The following LSAMP variants were observed in gnomAD, a reference collection of about 807,000 sequenced individuals.
LSAMP encodes the protein limbic system-associated membrane protein.
In LSAMP, 7 loss-of-function variants were observed where a neutral mutation model predicts 38.6. The ratio of observed to expected loss-of-function variants is 0.18; its 90% CI spans 0.10 to 0.34. The LOEUF (loss-of-function observed/expected upper bound fraction) is 0.34. Among genes scored for constraint, LSAMP ranks in the 10% least tolerant of loss-of-function variants. LSAMP has a pLI of 1.00. For synonymous variants in LSAMP, 154 were observed against 166.8 expected, an observed-to-expected ratio of 0.92 and a Z score of 0.59; for missense variants, 313 against 420.0, an observed-to-expected ratio of 0.75 and a Z score of 2.23.
At chr3:116,444,745 C>T (rs988013676) in intron 1 of LSAMP, 132 bp downstream of exon 1, 1 of 1,180,686 alleles carries the variant, frequency 8.5e-7, no homozygotes, top group Non-Finnish European at 1.2e-6. Context: ...CACACACACA[C>T]CACAAGCCTG....
At chr3:116,097,347 T>C (rs1345519645) in intron 1 of LSAMP, among the ~76,000 whole-genome samples, 1 of 152,220 alleles carries the variant, frequency 6.6e-6, no homozygotes, top group Non-Finnish European at 1.5e-5. Flanking sequence ...GTATAAGGCA[T>C]GGCTGTAAAG....
chr3:116,390,525 G>A (rs533147497), intron 1 of LSAMP, among the ~76,000 whole-genome samples: 3 of 152,180 alleles, frequency 2.0e-5, no homozygotes, highest in Middle Eastern at 3.4e-3. Context: ...AATGGAAGCA[G>A]TTCTGCAGAG....
intron 1 of LSAMP, among the ~76,000 whole-genome samples, chr3:116,188,884 C>T (rs953095667): frequency 2.0e-5 from 3 of 152,106 alleles, no homozygotes; most frequent in African/African-American, 7.2e-5. Flanking sequence ...TGAGATTGAC[C>T]ATTGATTAAA....
chr3:116,095,138 A>G (rs999096293), intron 1 of LSAMP, among the ~76,000 whole-genome samples: 2 of 152,188 alleles, frequency 1.3e-5, no homozygotes, highest in Non-Finnish European at 2.9e-5. Flanking sequence ...TCTCAGATCA[A>G]TCATGTATTT....
intron 1 of LSAMP, chr3:116,367,815 T>C (rs539226194): frequency 1.3e-5 from 2 of 152,200 alleles, no homozygotes; most frequent in South Asian, 4.2e-4. Flanking sequence ...GGCCGGTTTT[T>C]CTTCCTTTTT....
At chr3:116,321,581 G>T (rs1407766913) in intron 1 of LSAMP, among the ~76,000 whole-genome samples, 2 of 152,060 alleles carry the variant, frequency 1.3e-5, no homozygotes, top group Admixed American at 6.6e-5. Context: ...AAACTGAATT[G>T]AGATGGATTA....
At chr3:116,210,757 A>T (rs534556493) in intron 1 of LSAMP, among the ~76,000 whole-genome samples, 4 of 152,320 alleles carry the variant, frequency 2.6e-5, no homozygotes, top group Admixed American at 6.5e-5. Context: ...TAAATACACA[A>T]ATATAGGCCA....
intron 1 of LSAMP, among the ~76,000 whole-genome samples, chr3:116,118,914 T>G (rs1708812709): frequency 1.3e-5 from 2 of 152,242 alleles, no homozygotes; most frequent in African/African-American, 4.8e-5. Context: ...TCAGTGCTTT[T>G]CAAATTTTGT....
intron 1 of LSAMP, among the ~76,000 whole-genome samples, chr3:116,435,393 C>T (rs2049336002): frequency 6.6e-6 from 1 of 152,170 alleles, no homozygotes; most frequent in African/African-American, 2.4e-5. Context: ...CTGATAACCT[C>T]CGTGTCACCC....
intron 3 of LSAMP, among the ~76,000 whole-genome samples, chr3:115,987,960 T>G (rs1447870745): frequency 6.6e-6 from 1 of 152,132 alleles, no homozygotes; most frequent in Non-Finnish European, 1.5e-5. Flanking sequence ...AAGGACAATT[T>G]TATAAACTAT....
chr3:116,216,634 A>G (rs2046223860), intron 1 of LSAMP, among the ~76,000 whole-genome samples: 1 of 152,208 alleles, frequency 6.6e-6, no homozygotes, highest in South Asian at 2.1e-4. Context: ...AAAACTGTTT[A>G]GGAAAAAAAA....
At chr3:116,149,873 T>C (rs1341974870) in intron 1 of LSAMP, among the ~76,000 whole-genome samples, 1 of 152,044 alleles carries the variant, frequency 6.6e-6, no homozygotes, top group Non-Finnish European at 1.5e-5. Context: ...GAGAGATATA[T>C]GAACACCCCT....
At chr3:116,141,167 C>A (rs1427845052) in intron 1 of LSAMP, among the ~76,000 whole-genome samples, 1 of 151,878 alleles carries the variant, frequency 6.6e-6, no homozygotes, top group Non-Finnish European at 1.5e-5. Flanking sequence ...TTACTTGAAA[C>A]TATATATATT....
chr3:116,231,869 G>A (rs189690678), intron 1 of LSAMP, among the ~76,000 whole-genome samples: 1 of 152,230 alleles, frequency 6.6e-6, no homozygotes, highest in African/African-American at 2.4e-5. Flanking sequence ...ACTGTCAGCA[G>A]GTAAATAATT....
At chr3:116,040,224 A>G (rs1421132933) in intron 2 of LSAMP, among the ~76,000 whole-genome samples, 2 of 152,164 alleles carry the variant, frequency 1.3e-5, no homozygotes, top group Non-Finnish European at 2.9e-5. Flanking sequence ...ATTTCTATAG[A>G]TGGAAGAAAA....
At chr3:115,839,045 C>T (rs891860412) in intron 6 of LSAMP, among the ~76,000 whole-genome samples, 5 of 152,266 alleles carry the variant, frequency 3.3e-5, no homozygotes, top group Admixed American at 2.0e-4. Flanking sequence ...CCGTCAGGGC[C>T]GTGGCCACAG....
chr3:115,827,193 G>A (rs542317175), intron 6 of LSAMP, among the ~76,000 whole-genome samples: 31 of 152,080 alleles, frequency 2.0e-4, no homozygotes, highest in African/African-American at 7.5e-4. Context: ...AAACCCACAC[G>A]TATAGTTGAA....
chr3:116,340,066 CA>C (rs1411487820), intron 1 of LSAMP, among the ~76,000 whole-genome samples: 1 of 152,052 alleles, frequency 6.6e-6, no homozygotes, highest in East Asian at 1.9e-4. Context: ...GCATTGGGAA[CA>C]GAGCAAGGAT....
At chr3:116,017,895 T>C (rs1037913005) in intron 3 of LSAMP, among the ~76,000 whole-genome samples, 1 of 152,202 alleles carries the variant, frequency 6.6e-6, no homozygotes, top group African/African-American at 2.4e-5. Flanking sequence ...ATAGCTTCTA[T>C]ACCAAATTGC....
Sources: allele counts gnomAD v4.1 joint callset (sites outside exome capture counted in the v4.1 genomes callset), GRCh38; gene constraint gnomAD v4.1.1; transcripts MANE v1.5; gene names NCBI Gene and HGNC (gene_info 2026-07-23, HGNC 2026-07-21).